Variants in SLC14A2 observed in about 807,000 individuals in gnomAD.
SLC14A2 encodes the protein solute carrier family 14 member 2.
SLC14A2 carries 91 observed loss-of-function variants against 104.6 expected under a neutral mutation model. That is an observed-to-expected ratio of 0.87 (90% CI 0.73 to 1.04). SLC14A2 has a LOEUF of 1.04. Among genes scored for constraint, SLC14A2 ranks in the 50% least tolerant of loss-of-function variants. SLC14A2 has a pLI of 0.00. For synonymous variants in SLC14A2, 476 were observed against 466.4 expected (o/e 1.02, Z -0.27); for missense variants, 1,189 against 1,156.0 (o/e 1.03, Z -0.41).
At chr18:45,239,931 C>T (rs1326902388) in intron 1 of SLC14A2, among the ~76,000 whole-genome samples, 1 of 152,166 alleles carries the variant, frequency 6.6e-6, no homozygotes, top group East Asian at 1.9e-4. Context: ...ACATCAATGT[C>T]ACAAATGACA....
At chr18:45,623,820 C>T (rs4890560) in intron 1 of SLC14A2, among the ~76,000 whole-genome samples, 38,977 of 151,822 alleles carry the variant, frequency 0.26, 5,978 homozygotes, top group African/African-American at 0.43. Flanking sequence ...GAGAGGAGAC[C>T]GCATGCAGGT....
the SLC14A2 span, among the ~76,000 whole-genome samples, chr18:45,189,388 A>C: frequency 1.3e-5 from 2 of 152,210 alleles, no homozygotes; most frequent in Non-Finnish European, 2.9e-5. Flanking sequence ...AGCACTTGGA[A>C]GTGTCCCTGG....
chr18:45,436,117 G>C (rs1423380165), intron 1 of SLC14A2, among the ~76,000 whole-genome samples: 1 of 152,034 alleles, frequency 6.6e-6, no homozygotes, highest in South Asian at 2.1e-4. Flanking sequence ...TACATTTGGG[G>C]GTACCACCTT....
chr18:45,539,372 C>G (rs2043849658), intron 2 of SLC14A2, among the ~76,000 whole-genome samples: 1 of 152,226 alleles, frequency 6.6e-6, no homozygotes, highest in South Asian at 2.1e-4. Flanking sequence ...AACCCACCTG[C>G]CAGGACAGAG....
intron 10 of SLC14A2, among the ~76,000 whole-genome samples, chr18:45,648,598 C>A (rs908857470): frequency 6.6e-6 from 1 of 152,010 alleles, no homozygotes; most frequent in Admixed American, 6.6e-5. Flanking sequence ...TTTGTTTTAA[C>A]CTTCATCATT....
At chr18:45,644,248 G>A (rs1223830358) in intron 10 of SLC14A2, 88 bp downstream of exon 10, 1 of 1,340,340 alleles carries the variant, frequency 7.5e-7, no homozygotes, top group South Asian at 1.3e-5. Context: ...ATCAGTTGCA[G>A]CACTCACCTT....
chr18:45,214,432 T>C (rs991701086), intron 1 of SLC14A2, among the ~76,000 whole-genome samples: 1 of 152,182 alleles, frequency 6.6e-6, no homozygotes, highest in Non-Finnish European at 1.5e-5. Flanking sequence ...ATGCTTGAAG[T>C]TGCTTATTTG....
At chr18:45,168,972 G>T in the SLC14A2 span, 1 of 152,308 alleles carries the variant, frequency 6.6e-6, no homozygotes. Flanking sequence ...CAGGGGTCAT[G>T]CCTGTTTCAT....
the SLC14A2 span, among the ~76,000 whole-genome samples, chr18:45,182,975 G>A: frequency 3.3e-5 from 5 of 152,096 alleles, no homozygotes; most frequent in Non-Finnish European, 7.4e-5. Flanking sequence ...AAACAGTACC[G>A]TATTGGTGCT....
At chr18:45,611,348 T>TAAGGGATCAAGAAAAA (rs1462937646), upstream of SLC14A2, among the ~76,000 whole-genome samples, 16 of 152,148 alleles carry the variant, frequency 1.1e-4, no homozygotes, top group Non-Finnish European at 1.3e-4. Flanking sequence ...AATAAACATC[T>TAAGGGATCAAGAAAAA]GTGCAGGAAA....
chr18:45,599,413 A>G (rs1326587380), intron 2 of SLC14A2, among the ~76,000 whole-genome samples: 2 of 152,224 alleles, frequency 1.3e-5, no homozygotes, highest in Non-Finnish European at 2.9e-5. Context: ...GATGCCTGAC[A>G]GTCCTGGCCG....
At chr18:45,407,884 G>T (rs1376123071) in intron 1 of SLC14A2, among the ~76,000 whole-genome samples, 1 of 152,066 alleles carries the variant, frequency 6.6e-6, no homozygotes, top group Non-Finnish European at 1.5e-5. Flanking sequence ...TAATATCAAA[G>T]ATCACTGATC....
At chr18:45,299,571 C>G (rs2084948654) in intron 1 of SLC14A2, among the ~76,000 whole-genome samples, 1 of 152,196 alleles carries the variant, frequency 6.6e-6, no homozygotes, top group South Asian at 2.1e-4. Context: ...AAGTGATTCT[C>G]CTGCCTCAGT....
rs528551741 is a variant in SLC14A2, at chr18:45,637,249, T to C, written c.843+67T>C. The C allele has an allele frequency of 4.6e-4, 604 of 1,299,604 alleles. 2 individuals are homozygous for C. The highest frequency in any genetic ancestry group is 1.9e-3 in the Middle Eastern group (10 of 5,256). 80.5% of individuals were successfully genotyped at this position (1,299,604 alleles called of 1,614,324 possible). On this transcript the variant is annotated intron_variant, in intron 6 of 19. Transcript: ENST00000255226. ...ACTGCAGACCTTCTCGCCAACCAAT[T>C]TGTGGACTATCCATGCTCTCAACTT...
chr18:45,184,019 G>A, the SLC14A2 span, among the ~76,000 whole-genome samples: 1 of 137,640 alleles, frequency 7.3e-6, no homozygotes, highest in Non-Finnish European at 1.5e-5. Context: ...CTCCCAAAGT[G>A]CTGAGATTAC....
intron 1 of SLC14A2, among the ~76,000 whole-genome samples, chr18:45,346,728 G>T (rs893375236): frequency 1.3e-5 from 2 of 151,978 alleles, no homozygotes; most frequent in Admixed American, 1.3e-4. Context: ...ACGAGTTCGA[G>T]ACCTGGCCAA....
chr18:45,664,843 G>A (rs2045989395), intron 11 of SLC14A2, among the ~76,000 whole-genome samples: 1 of 152,150 alleles, frequency 6.6e-6, no homozygotes, highest in South Asian at 2.1e-4. Context: ...GTCTTTGATA[G>A]AGGTTCCCCA....
intron 1 of SLC14A2, among the ~76,000 whole-genome samples, chr18:45,335,706 C>G (rs989849355): frequency 6.6e-6 from 1 of 152,086 alleles, no homozygotes; most frequent in Non-Finnish European, 1.5e-5. Context: ...AGGAAGTCAC[C>G]CTAAGAAACC....
At chr18:45,479,448 C>A (rs1481395360) in intron 1 of SLC14A2, among the ~76,000 whole-genome samples, 1 of 152,192 alleles carries the variant, frequency 6.6e-6, no homozygotes, top group African/African-American at 2.4e-5. Flanking sequence ...ATCTTCCTTG[C>A]AACAGCGTAA....
Sources: gnomAD v4.1 joint callset for allele counts (sites outside exome capture counted in the v4.1 genomes callset) on GRCh38, gnomAD v4.1.1 for gene constraint, MANE v1.5 for transcripts, NCBI Gene and HGNC (gene_info 2026-07-23, HGNC 2026-07-21) for gene names.